B3GALT1: variants seen among roughly 807,000 people sequenced by gnomAD.
The protein encoded by B3GALT1 is UDP-Gal:betaGlcNAc beta 1,3-galactosyltransferase, polypeptide 1.
Under a neutral mutation model 23.2 loss-of-function variants are expected in B3GALT1, and 10 were observed. That is an observed-to-expected ratio of 0.43 (90% CI 0.27 to 0.73). The LOEUF (loss-of-function observed/expected upper bound fraction) is 0.73, where lower values mean the gene tolerates loss of function less well. Among genes scored for constraint, B3GALT1 ranks in the 30% least tolerant of loss-of-function variants. The pLI is 0.21. For synonymous variants in B3GALT1, 156 were observed against 141.5 expected (o/e 1.10, Z -0.73); for missense variants, 299 against 405.4 (o/e 0.74, Z 2.25).
At chr2:167,322,582 G>A (rs533647271) in intron 1 of B3GALT1, among the ~76,000 whole-genome samples, 2 of 152,078 alleles carry the variant, frequency 1.3e-5, no homozygotes, top group African/African-American at 4.8e-5. Flanking sequence ...TAAAACGAGT[G>A]ATTTGGATAT....
intron 3 of B3GALT1, among the ~76,000 whole-genome samples, chr2:167,779,700 G>A (rs1479017819): frequency 1.3e-5 from 2 of 152,128 alleles, no homozygotes; most frequent in Non-Finnish European, 2.9e-5. Context: ...GCAGTTCAGT[G>A]CACAGGGCCA....
intron 1 of B3GALT1, among the ~76,000 whole-genome samples, chr2:167,483,592 T>C (rs1699587431): frequency 6.6e-6 from 1 of 152,138 alleles, no homozygotes; most frequent in Non-Finnish European, 1.5e-5. Context: ...AATCTACAAA[T>C]AGATGAAAAA....
intron 2 of B3GALT1, among the ~76,000 whole-genome samples, chr2:167,526,584 G>A (rs1360996158): frequency 6.6e-6 from 1 of 152,330 alleles, no homozygotes; most frequent in Non-Finnish European, 1.5e-5. Flanking sequence ...GTAGTGTTAT[G>A]TCATTGTGTC....
In B3GALT1 at chr2:167,411,395, AAAAAC is replaced by A. The variant is rs1166135529; in HGVS notation, c.-510-78781_-510-78777del. Among the ~76,000 whole-genome samples the A allele has an allele frequency of 1.2e-4, 13 of 108,372 alleles. No individual in the cohort carries two copies. In the South Asian group the frequency reaches 1.2e-3, roughly 10 times the overall value. The allele number at this position is 108,372 out of a possible 152,430, so 71.1% of individuals were successfully genotyped here. ...CAAAAAACCAAAAAAAAAAAAAAAA[AAAAAC>A]CACACAAATAATTTGAGTTTAAAAT... is the stretch of plus-strand genomic sequence containing the variant. On this transcript the variant is annotated intron_variant, in intron 1 of 4. Transcript: ENST00000392690.
At chr2:167,703,387 G>A (rs1452435514) in intron 3 of B3GALT1, among the ~76,000 whole-genome samples, 1 of 152,152 alleles carries the variant, frequency 6.6e-6, no homozygotes, top group Non-Finnish European at 1.5e-5. Flanking sequence ...ATGGTTAGGA[G>A]TTTGGTGTAT....
intron 3 of B3GALT1, among the ~76,000 whole-genome samples, chr2:167,720,309 G>A (rs111397943): frequency 6.2e-4 from 94 of 152,234 alleles, no homozygotes; most frequent in African/African-American, 2.2e-3. Flanking sequence ...TGCTGGTAGA[G>A]GGGATATTAT....
At chr2:167,866,221 C>T (rs968049301) in intron 4 of B3GALT1, among the ~76,000 whole-genome samples, 15 of 152,320 alleles carry the variant, frequency 9.8e-5, no homozygotes, top group African/African-American at 1.9e-4. Flanking sequence ...GTGAGATTCA[C>T]GTTACGGCTA....
intron 3 of B3GALT1, among the ~76,000 whole-genome samples, chr2:167,813,638 A>C (rs1031180784): frequency 3.3e-5 from 5 of 152,294 alleles, no homozygotes; most frequent in African/African-American, 1.2e-4. Context: ...AATTCTGTAT[A>C]ATCTGTGCCT....
At chr2:167,556,472 G>A (rs1395920175) in intron 2 of B3GALT1, among the ~76,000 whole-genome samples, 1 of 151,982 alleles carries the variant, frequency 6.6e-6, no homozygotes, top group African/African-American at 2.4e-5. Flanking sequence ...TGGACTATAA[G>A]GACACCATGG....
intron 2 of B3GALT1, among the ~76,000 whole-genome samples, chr2:167,517,847 T>C (rs781071335): frequency 2.0e-5 from 3 of 152,108 alleles, no homozygotes; most frequent in Non-Finnish European, 2.9e-5. Context: ...AATTAATCTA[T>C]TGCTTAGTCC....
chr2:167,457,190 T>C (rs1699185315), intron 1 of B3GALT1, among the ~76,000 whole-genome samples: 1 of 152,116 alleles, frequency 6.6e-6, no homozygotes, highest in Admixed American at 6.5e-5. Context: ...TATTATTTTT[T>C]GAGACGGAGT....
intron 3 of B3GALT1, among the ~76,000 whole-genome samples, chr2:167,774,075 G>GT (rs1688117796): frequency 6.6e-6 from 1 of 152,158 alleles, no homozygotes; most frequent in African/African-American, 2.4e-5. Flanking sequence ...TGTAAAGCAC[G>GT]TTTTTTCATA....
At chr2:167,804,191 C>T (rs13415184) in intron 3 of B3GALT1, among the ~76,000 whole-genome samples, 16,401 of 151,982 alleles carry the variant, frequency 0.11, 1,960 homozygotes, top group East Asian at 0.31. Context: ...GATTTCACCA[C>T]GTTGCCCAGG....
chr2:167,691,163 A>G (rs954140504), intron 3 of B3GALT1, among the ~76,000 whole-genome samples: 2 of 152,094 alleles, frequency 1.3e-5, no homozygotes, highest in African/African-American at 2.4e-5. Flanking sequence ...TAAAATCCTT[A>G]TAAGTAGGTC....
At chr2:167,672,187 G>C (rs913539989) in intron 3 of B3GALT1, among the ~76,000 whole-genome samples, 10 of 151,972 alleles carry the variant, frequency 6.6e-5, no homozygotes, top group African/African-American at 2.4e-4. Flanking sequence ...GGAGAAACCT[G>C]CCATTACCTC....
chr2:167,825,330 T>G (rs1188192577), intron 4 of B3GALT1, among the ~76,000 whole-genome samples: 7 of 135,908 alleles, frequency 5.2e-5, no homozygotes, highest in Admixed American at 2.2e-4. Context: ...AAACTTAGAG[T>G]GAGAAGAAAA....
chr2:167,615,091 GAAAATATA>G (rs1685136324), intron 2 of B3GALT1, among the ~76,000 whole-genome samples: 1 of 152,022 alleles, frequency 6.6e-6, no homozygotes, highest in Admixed American at 6.6e-5. Context: ...TTAACCACAT[GAAAATATA>G]AAACTTTGAG....
chr2:167,340,154 C>G (rs1295551976), intron 1 of B3GALT1, among the ~76,000 whole-genome samples: 3 of 152,012 alleles, frequency 2.0e-5, no homozygotes, highest in Non-Finnish European at 4.4e-5. Flanking sequence ...TACATGAGAT[C>G]AATAAATGAG....
chr2:167,631,948 C>T (rs140860628), intron 2 of B3GALT1, among the ~76,000 whole-genome samples: 1,607 of 151,888 alleles, frequency 0.011, 58 homozygotes, highest in Admixed American at 0.064. Context: ...CTCCCCTACC[C>T]CCCACCCACT....
Sources: gnomAD v4.1 joint callset for allele counts (sites outside exome capture counted in the v4.1 genomes callset) on GRCh38, gnomAD v4.1.1 for gene constraint, MANE v1.5 for transcripts, NCBI Gene and HGNC (gene_info 2026-07-23, HGNC 2026-07-21) for gene names.